The following YEATS2 variants were observed in gnomAD, a reference collection of about 807,000 sequenced individuals.
YEATS2 encodes YEATS domain containing 2.
Under a neutral mutation model 163.2 loss-of-function variants are expected in YEATS2, and 77 were observed. That is an observed-to-expected ratio of 0.47 (90% CI 0.39 to 0.57). YEATS2 has a LOEUF of 0.57. YEATS2 is among the 20% of genes least tolerant of loss of function. YEATS2 has a pLI of 0.00. For missense variants in YEATS2, 1,549 were observed against 1,729.8 expected, an observed-to-expected ratio of 0.90 and a Z score of 1.85; for synonymous variants, 631 against 645.1, an observed-to-expected ratio of 0.98 and a Z score of 0.33.
rs1281645692 is a variant in YEATS2, at chr3:183,812,365, T to C, written c.*1782T>C. On this transcript the variant is annotated 3_prime_UTR_variant, in exon 31 of 31. Transcript: ENST00000305135. ...CTCAAATAGTCTATACCTGAACTGCTATAAGCAAGGTCGATAGGGAAGTGG... is the reference window on the plus strand; with the variant it reads ...CTCAAATAGTCTATACCTGAACTGCCATAAGCAAGGTCGATAGGGAAGTGG... 1 of 152,342 alleles carries C rather than the reference T, an allele frequency of 6.6e-6. No individual in the cohort carries two copies. The highest frequency in any genetic ancestry group is 1.5e-5 in the Non-Finnish European group (1 of 68,048). The allele number at this position is 152,342 out of a possible 1,614,324, so 9.4% of individuals were successfully genotyped here.
intron 28 of YEATS2, chr3:183,807,470 G>A (rs1431838770): frequency 3.5e-5 from 10 of 282,772 alleles, no homozygotes; most frequent in South Asian, 1.1e-4. Context: ...TGAGTTGCAC[G>A]TCAGCGCGTA....
chr3:183,782,997 G>A (rs1723726037), intron 19 of YEATS2, among the ~76,000 whole-genome samples: 1 of 152,216 alleles, frequency 6.6e-6, no homozygotes, highest in Non-Finnish European at 1.5e-5. Context: ...ACGGAGGATT[G>A]TCATTCTTTT....
rs371567539 is a variant in YEATS2 at position 183,797,992 on chromosome 3, A to G, written c.3167A>G (p.Lys1056Arg). Reference sequence around the variant, plus strand: ...GTCCTGACGATTCCCAGCCAGCTCAAACCACTCAGCGTAAACACATCTGGA... The same window carrying G: ...GTCCTGACGATTCCCAGCCAGCTCAGACCACTCAGCGTAAACACATCTGGA... ...QAVLTIPSQL[K>R]PLSVNTSGGV... The change falls in exon 22 of 31, where the codon AAA becomes AGA. Residue 1056 changes from lysine to arginine, a missense_variant. Coordinates refer to ENST00000305135, the MANE Select transcript of YEATS2 (RefSeq NM_018023.5). 3 of 1,614,040 alleles carry G rather than the reference A, an allele frequency of 1.9e-6. No individual in the cohort carries two copies. The African/African-American group carries it at 4.0e-5, about 22-fold the overall frequency.
intron 12 of YEATS2, among the ~76,000 whole-genome samples, chr3:183,758,657 T>C (rs960001259): frequency 3.9e-5 from 6 of 151,940 alleles, no homozygotes; most frequent in Admixed American, 3.3e-4. Context: ...CTTCTTACCT[T>C]CTTCAGGTTG....
At chr3:183,719,415 G>A (rs1577052710) in intron 4 of YEATS2, among the ~76,000 whole-genome samples, 1 of 152,298 alleles carries the variant, frequency 6.6e-6, no homozygotes, top group East Asian at 1.9e-4. Flanking sequence ...GGGATTACAG[G>A]CGTGAGCCAC....
chr3:183,741,283 A>G (rs1339682124), intron 8 of YEATS2, among the ~76,000 whole-genome samples: 2 of 152,010 alleles, frequency 1.3e-5, no homozygotes, highest in Non-Finnish European at 2.9e-5. Context: ...TTTACCATCC[A>G]GTAAATCCTA....
At position 183,698,729 on chromosome 3, in the gene YEATS2, C is replaced by G. The variant is rs1713754046; in HGVS notation, c.-20+736C>G. ...AAGCATTCAGCAGTTACAGAGTTGA[C>G]CCACGTTTTCCATTCCCTTTTCTCG... On this transcript the variant is annotated intron_variant, in intron 1 of 30. Transcript: ENST00000305135. Among the ~76,000 whole-genome samples the G allele has an allele frequency of 2.0e-5, 3 of 152,114 alleles. No individual in the cohort carries two copies. In the South Asian group the frequency reaches 6.2e-4, roughly 32 times the overall value.
intron 11 of YEATS2, among the ~76,000 whole-genome samples, chr3:183,756,078 G>T (rs1232378276): frequency 6.6e-6 from 1 of 152,002 alleles, no homozygotes; most frequent in South Asian, 2.1e-4. Flanking sequence ...TAGTGTCTTC[G>T]AGTATAACCA....
intron 9 of YEATS2, among the ~76,000 whole-genome samples, chr3:183,749,884 C>G (rs1207163412): frequency 6.6e-6 from 1 of 152,140 alleles, no homozygotes; most frequent in Admixed American, 6.6e-5. Flanking sequence ...GTGGCTCGAT[C>G]TCGGCTCACT....
At chr3:183,786,542 C>T (rs1724083810) in intron 20 of YEATS2, among the ~76,000 whole-genome samples, 1 of 152,102 alleles carries the variant, frequency 6.6e-6, no homozygotes, top group South Asian at 2.1e-4. Flanking sequence ...AGCATTTTAT[C>T]ATCCCAGAAA....
chr3:183,795,472 T>TC (rs1440620765), intron 21 of YEATS2, among the ~76,000 whole-genome samples: 1 of 105,916 alleles, frequency 9.4e-6, no homozygotes, highest in East Asian at 3.5e-4. Flanking sequence ...TTTTTTTTTT[T>TC]TTTTTTTTTT....
intron 1 of YEATS2, among the ~76,000 whole-genome samples, chr3:183,710,856 G>A (rs1560219206): frequency 6.6e-6 from 1 of 152,202 alleles, no homozygotes; most frequent in Non-Finnish European, 1.5e-5. Context: ...AAGTGAGGAT[G>A]ATGCTGGAGG....
chr3:183,809,019 A>G, intron 29 of YEATS2, 78 bp from the exon 30 acceptor site: 1 of 1,467,974 alleles, frequency 6.8e-7, no homozygotes, highest in Non-Finnish European at 9.5e-7. Flanking sequence ...CATTTGGGGT[A>G]AGGGATGGGG....
At chr3:183,706,564 T>C (rs1714636705) in intron 1 of YEATS2, among the ~76,000 whole-genome samples, 1 of 152,086 alleles carries the variant, frequency 6.6e-6, no homozygotes, top group South Asian at 2.1e-4. Flanking sequence ...TTAAGATTAG[T>C]GGAGCACTGT....
intron 1 of YEATS2, among the ~76,000 whole-genome samples, chr3:183,712,204 T>TTATGTTATG (rs1560220692): frequency 9.6e-6 from 1 of 104,268 alleles, no homozygotes; most frequent in African/African-American, 3.7e-5. Context: ...TTTATTTTAT[T>TTATGTTATG]TTATTTTATT....
In YEATS2 at chr3:183,756,623, A is replaced by G; in HGVS notation, c.1486A>G (p.Asn496Asp). The G allele has an allele frequency of 1.9e-6, 3 of 1,605,680 alleles. No homozygotes were observed. Among genetic ancestry groups the G allele is most frequent in the Non-Finnish European group, 1.7e-6 (2 of 1,176,224 alleles). ...GCAAGGCACTGCCGGCTCTGTTATT[A>G]ATAATCCTTATGTTATCATGGACAA... ...VKQGTAGSVI[N>D]NPYVIMDKQP... Residue 496 changes from asparagine (N) to aspartate (D), a missense_variant, in exon 12 of 31, where the codon AAT becomes GAT. Asn to Asp is a conservative substitution (Grantham distance 23, BLOSUM62 1). Coordinates refer to ENST00000305135, the MANE Select transcript of YEATS2 (RefSeq NM_018023.5).
intron 19 of YEATS2, among the ~76,000 whole-genome samples, chr3:183,780,921 A>G (rs1480065946): frequency 6.6e-6 from 1 of 152,210 alleles, no homozygotes; most frequent in East Asian, 1.9e-4. Flanking sequence ...GCATATTTCA[A>G]AAGTAGCATC....
chr3:183,726,916 G>A (rs1008487039), intron 6 of YEATS2, among the ~76,000 whole-genome samples: 1 of 152,004 alleles, frequency 6.6e-6, no homozygotes, highest in East Asian at 1.9e-4. Flanking sequence ...ATTCTCCTGC[G>A]TCAGCCTCAC....
intron 3 of YEATS2, 130 bp downstream of exon 3, chr3:183,717,878 T>A (rs1465970237): frequency 1.4e-4 from 59 of 420,036 alleles, no homozygotes; most frequent in East Asian, 3.1e-4. Context: ...TTTTTTTTTT[T>A]AAATAGCTTT....
Sources: allele counts gnomAD v4.1 joint callset (sites outside exome capture counted in the v4.1 genomes callset), GRCh38; gene constraint gnomAD v4.1.1; transcripts MANE v1.5; gene names NCBI Gene and HGNC (gene_info 2026-07-23, HGNC 2026-07-21).